Variants in POLN observed in about 807,000 individuals in gnomAD.
POLN encodes the protein DNA polymerase N.
A neutral mutation model predicts 113.5 loss-of-function variants in POLN; 108 were observed. The ratio of observed to expected loss-of-function variants is 0.95; its 90% CI spans 0.81 to 1.12. POLN has a LOEUF of 1.12. POLN is among the 50% of genes most tolerant of loss of function. POLN has a pLI of 0.00. For missense variants in POLN, 1,097 were observed against 1,077.1 expected, an observed-to-expected ratio of 1.02 and a Z score of -0.26; for synonymous variants, 386 against 391.5, an observed-to-expected ratio of 0.99 and a Z score of 0.17.
At chr4:2,146,693 T>C (rs1179585082) in intron 16 of POLN, among the ~76,000 whole-genome samples, 1 of 152,116 alleles carries the variant, frequency 6.6e-6, no homozygotes, top group African/African-American at 2.4e-5. Flanking sequence ...ACATGTCCCC[T>C]GCACTGAAAT....
Position 2,198,731 on chromosome 4 carries a change from A to G in POLN, c.715-14T>C, listed in dbSNP as rs1733642292. On this transcript the variant is annotated splice_polypyrimidine_tract_variant and intron_variant, in intron 5 of 25. Transcript: ENST00000511885. ...AGAAACGGGGGTCTGTGGAAACACA[A>G]CAAAATAAATTAAACCCAGACAACA... 4 of 1,583,198 alleles carry G rather than the reference A, an allele frequency of 2.5e-6. No individual in the cohort carries two copies. The highest frequency in any genetic ancestry group is 1.2e-5 in the South Asian group (1 of 86,678).
Position 2,126,994 on chromosome 4 carries a change from C to T in POLN, c.1982+1119G>A, listed in dbSNP as rs1240829636. 6.6e-6 allele frequency among the ~76,000 whole-genome samples: 1 copy of T among 151,992 alleles called. No individual in the cohort carries two copies. The highest frequency in any genetic ancestry group is 1.5e-5 in the Non-Finnish European group (1 of 67,978). Reference sequence around the variant, plus strand: ...GGGGCTGAAGGACAGACCCCTCACCCGCTTAGGACTCTGCTCCTCTGACTT... The same window carrying T: ...GGGGCTGAAGGACAGACCCCTCACCTGCTTAGGACTCTGCTCCTCTGACTT... On this transcript the variant is annotated intron_variant, in intron 19 of 25. Coordinates refer to ENST00000511885, the MANE Select transcript of POLN (RefSeq NM_181808.4). The surrounding 1 kb of genome is among the most constrained non-coding windows in gnomAD (Gnocchi z 4.6).
rs372100273 is a variant in POLN at position 2,200,192 on chromosome 4, G to A, written c.715-1475C>T. Among the ~76,000 whole-genome samples, 40 of 152,244 alleles carry A rather than the reference G, an allele frequency of 2.6e-4. No individual in the cohort carries two copies. The East Asian group carries it at 5.8e-3, about 22-fold the overall frequency. ...GACAAACTGATCCTAAAACTGACAA[G>A]CAAAGGAAGCACAATACCCAAAAGA... On this transcript the variant is annotated intron_variant, in intron 5 of 25. Coordinates refer to ENST00000511885, the MANE Select transcript of POLN (RefSeq NM_181808.4).
chr4:2,192,473 A>G (rs957953050), intron 7 of POLN, among the ~76,000 whole-genome samples: 3 of 151,686 alleles, frequency 2.0e-5, no homozygotes, highest in South Asian at 4.2e-4. Flanking sequence ...TTGAGTAGCT[A>G]GGATTACAGG....
intron 19 of POLN, among the ~76,000 whole-genome samples, chr4:2,111,036 T>C (rs1269669191): frequency 2.0e-5 from 3 of 152,146 alleles, no homozygotes; most frequent in Non-Finnish European, 4.4e-5. Flanking sequence ...AAAAAGCTTA[T>C]CCACCATGAT....
Position 2,223,194 on chromosome 4 carries a change from A to C in POLN, c.133+5905T>G, listed in dbSNP as rs531618981. 2.6e-5 allele frequency among the ~76,000 whole-genome samples: 4 copies of C among 152,308 alleles called. No individual in the cohort carries two copies. In the East Asian group the frequency reaches 7.7e-4, roughly 29 times the overall value. On this transcript the variant is annotated intron_variant, in intron 3 of 25. Coordinates refer to ENST00000511885, the MANE Select transcript of POLN (RefSeq NM_181808.4). ...TACAGTCATGCAGGGATATGTTCTG[A>C]GAAATGCATCATTAGGTGATTTCAT...
At chr4:2,081,947 CTT>C (rs71167773) in intron 21 of POLN, among the ~76,000 whole-genome samples, 8 of 92,546 alleles carry the variant, frequency 8.6e-5, no homozygotes, top group African/African-American at 5.0e-4. Context: ...GCACTCTGCA[CTT>C]TTTTTTTTTT....
At chr4:2,109,369 C>T (rs1185173535) in intron 19 of POLN, among the ~76,000 whole-genome samples, 1 of 152,056 alleles carries the variant, frequency 6.6e-6, no homozygotes, top group Non-Finnish European at 1.5e-5. Flanking sequence ...TAAATTGTAT[C>T]CTAAAAGAGC....
chr4:2,210,608 A>G (rs1733965585), intron 4 of POLN, among the ~76,000 whole-genome samples: 1 of 133,690 alleles, frequency 7.5e-6, no homozygotes, highest in Admixed American at 7.4e-5. Flanking sequence ...AATAATAATA[A>G]TAATAATAAT....
At chr4:2,145,853 C>T (rs1241222506) in intron 16 of POLN, among the ~76,000 whole-genome samples, 1 of 152,178 alleles carries the variant, frequency 6.6e-6, no homozygotes, top group African/African-American at 2.4e-5. Flanking sequence ...TTTTTTCTTG[C>T]AGCATTGTTT....
chr4:2,198,838 G>GT lies in POLN; in HGVS notation c.715-122dup, dbSNP rs1217782949. On this transcript the variant is annotated intron_variant, in intron 5 of 25. Transcript: ENST00000511885. The stretch of plus-strand genomic sequence containing the variant: ...CTAAAATTAAACTTGTAAATGAATA[G>GT]TTTTTTAATGACAATTGAGGGCCAA... 1.1e-5 allele frequency: 11 copies of GT among 975,546 alleles called. No individual in the cohort carries two copies. The Admixed American group carries it at 2.1e-4, about 19-fold the overall frequency. The allele number at this position is 975,546 out of a possible 1,614,324, so 60.4% of individuals were successfully genotyped here. A position where few individuals can be genotyped will look rare whatever the true frequency, so the allele number is the denominator to read the frequency against.
chr4:2,127,216 T>G lies in POLN; in HGVS notation c.1982+897A>C, dbSNP rs1400763214. Among the ~76,000 whole-genome samples, 1 of 151,466 alleles carries G rather than the reference T, an allele frequency of 6.6e-6. No homozygotes were observed. The highest frequency in any genetic ancestry group is 1.5e-5 in the Non-Finnish European group (1 of 67,800). On this transcript the variant is annotated intron_variant, in intron 19 of 25. Coordinates refer to ENST00000511885, the MANE Select transcript of POLN (RefSeq NM_181808.4). The surrounding 1 kb of genome is among the most constrained non-coding windows in gnomAD (Gnocchi z 4.7). ...CCCAAGGTGATGGGGAGGTGGCACC[T>G]GCAGCTGATGAGGGAGGGGACAGTG...
At chr4:2,130,356 T>A (rs190286776) in intron 17 of POLN, among the ~76,000 whole-genome samples, 24 of 152,030 alleles carry the variant, frequency 1.6e-4, no homozygotes, top group Admixed American at 3.9e-4. Flanking sequence ...TTGGGCTTCA[T>A]TGTTTTGCCA....
intron 21 of POLN, among the ~76,000 whole-genome samples, chr4:2,083,951 G>A (rs563634192): frequency 1.1e-4 from 17 of 152,336 alleles, no homozygotes; most frequent in Non-Finnish European, 8.8e-5. Flanking sequence ...ACCTTGGGAC[G>A]GCCAGCGTCA....
At chr4:2,207,437 C>T (rs1733876041) in intron 5 of POLN, among the ~76,000 whole-genome samples, 1 of 151,396 alleles carries the variant, frequency 6.6e-6, no homozygotes, top group Non-Finnish European at 1.5e-5. Context: ...CTTCAAAAGA[C>T]ACCCTCAATA....
chr4:2,148,920 A>AG (rs1383613493), intron 16 of POLN, among the ~76,000 whole-genome samples: 7 of 152,186 alleles, frequency 4.6e-5, no homozygotes, highest in Non-Finnish European at 1.0e-4. Flanking sequence ...CAAAGTATTG[A>AG]GAAAAAAAAC....
intron 19 of POLN, among the ~76,000 whole-genome samples, chr4:2,104,234 G>A (rs553367655): frequency 1.8e-4 from 28 of 152,344 alleles, no homozygotes; most frequent in African/African-American, 6.5e-4. Flanking sequence ...TGGATTAAAT[G>A]TCTATGGCAG....
intron 3 of POLN, among the ~76,000 whole-genome samples, chr4:2,227,073 T>C (rs1734416293): frequency 6.6e-6 from 1 of 152,184 alleles, no homozygotes; most frequent in Non-Finnish European, 1.5e-5. Context: ...CCAAACCGCT[T>C]TGAGGGTGAA....
intron 7 of POLN, among the ~76,000 whole-genome samples, chr4:2,182,551 C>A (rs1294723593): frequency 6.6e-6 from 1 of 152,098 alleles, no homozygotes; most frequent in Non-Finnish European, 1.5e-5. Flanking sequence ...GGACTTCCAG[C>A]CCCCAGAACT....
Sources: allele counts gnomAD v4.1 joint callset (sites outside exome capture counted in the v4.1 genomes callset), GRCh38; gene constraint gnomAD v4.1.1; non-coding constraint Gnocchi (gnomAD v3.1); transcripts MANE v1.5; gene names NCBI Gene and HGNC (gene_info 2026-07-23, HGNC 2026-07-21).